PCDHA4: variants seen among roughly 807,000 people sequenced by gnomAD.
The protein encoded by PCDHA4 is protocadherin alpha 4.
In PCDHA4, 49 loss-of-function variants were observed where a neutral mutation model predicts 61.4. That is an observed-to-expected ratio of 0.80 (90% CI 0.63 to 1.01). The LOEUF (loss-of-function observed/expected upper bound fraction) is 1.01. Ranked by LOEUF, PCDHA4 falls within the 50% of genes least tolerant of loss-of-function variation. The probability of loss-of-function intolerance (pLI) is 0.00; values close to 1 mark genes in which losing one functional copy is unlikely to be tolerated. For missense variants in PCDHA4, 1,254 were observed against 1,235.8 expected, an observed-to-expected ratio of 1.01 and a Z score of -0.22; for synonymous variants, 590 against 550.3, an observed-to-expected ratio of 1.07 and a Z score of -1.01.
Position 140,836,712 on chromosome 5 carries a change from C to T in PCDHA4, c.2385+27140C>T, listed in dbSNP as rs2150268278. On this transcript the variant is annotated intron_variant, in intron 1 of 3. Transcript: ENST00000530339. Reference sequence around the variant, plus strand: ...CCTCATGGCCTTCAGTCCCAGCCTTCCTCAGGGTCCATCCTCTACAGACAA... The same window carrying T: ...CCTCATGGCCTTCAGTCCCAGCCTTTCTCAGGGTCCATCCTCTACAGACAA... 1.9e-6 allele frequency: 3 copies of T among 1,612,872 alleles called. 1 individual carries two copies. In the African/African-American group the frequency reaches 4.0e-5, roughly 22 times the overall value.
intron 1 of PCDHA4, among the ~76,000 whole-genome samples, chr5:140,934,327 T>C (rs1379362644): frequency 1.3e-5 from 2 of 152,152 alleles, no homozygotes; most frequent in African/African-American, 4.8e-5. Flanking sequence ...CAATCATGAA[T>C]GTAATAACCA....
chr5:141,006,944 A>G (rs2098295543), intron 3 of PCDHA4, among the ~76,000 whole-genome samples: 1 of 152,202 alleles, frequency 6.6e-6, no homozygotes, highest in African/African-American at 2.4e-5. Context: ...GATACCAGAT[A>G]GGCAGTTATA....
In PCDHA4 at chr5:140,842,845, T is replaced by G. The variant is rs2150346151; in HGVS notation, c.2385+33273T>G. The G allele has an allele frequency of 0.012, 19,312 of 1,593,596 alleles. 3,039 individuals are homozygous for G. In the African/African-American group the frequency reaches 0.23, roughly 19 times the overall value. On this transcript the variant is annotated intron_variant, in intron 1 of 3. Transcript: ENST00000530339. Reference sequence around the variant, plus strand: ...GCGAGCGCTCGCTGTCGAGCTACATTTCGGTGCACACGGAGAGCGGCAAGG... The same window carrying G: ...GCGAGCGCTCGCTGTCGAGCTACATGTCGGTGCACACGGAGAGCGGCAAGG...
At chr5:140,871,112 A>G (rs1554165130) in intron 1 of PCDHA4, 2 of 1,613,290 alleles carry the variant, frequency 1.2e-6, no homozygotes, top group Non-Finnish European at 1.7e-6. Context: ...TCGTTGGTGG[A>G]GAGCGGACAG....
intron 1 of PCDHA4, chr5:140,855,863 C>T (rs1435848910): frequency 2.6e-6 from 2 of 763,574 alleles, no homozygotes; most frequent in East Asian, 2.7e-5. Context: ...ATGTCGCTGT[C>T]GTCCACAAAA....
chr5:140,822,802 A>G, intron 1 of PCDHA4: 3 of 1,614,170 alleles, frequency 1.9e-6, no homozygotes, highest in Middle Eastern at 3.3e-4. Flanking sequence ...CCTGGATGTG[A>G]ATGATAATAC....
At chr5:140,903,787 A>G (rs782220484) in intron 1 of PCDHA4, among the ~76,000 whole-genome samples, 10 of 152,174 alleles carry the variant, frequency 6.6e-5, no homozygotes, top group Non-Finnish European at 1.3e-4. Context: ...TAAACTATCT[A>G]TGGTTGTAAT....
At chr5:140,819,633 A>G (rs2150104769) in intron 1 of PCDHA4, among the ~76,000 whole-genome samples, 2 of 152,208 alleles carry the variant, frequency 1.3e-5, no homozygotes, top group South Asian at 4.1e-4. Context: ...TGGATAATCT[A>G]TAGTTACTGA....
At chr5:140,851,455 C>T in intron 1 of PCDHA4, 1 of 898,662 alleles carries the variant, frequency 1.1e-6, no homozygotes, top group Non-Finnish European at 1.4e-6. Context: ...CTTTAGGAAT[C>T]AAATTATGTC....
intron 1 of PCDHA4, among the ~76,000 whole-genome samples, chr5:140,914,765 T>A (rs2076829694): frequency 6.6e-6 from 1 of 152,080 alleles, no homozygotes. Flanking sequence ...TTACATGAGG[T>A]TTATGACTTA....
At chr5:140,848,740 G>A (rs2150419221) in intron 1 of PCDHA4, 5 of 1,593,114 alleles carry the variant, frequency 3.1e-6, no homozygotes, top group East Asian at 2.2e-5. Context: ...CTGCAGAATG[G>A]CATTTTGTTT....
rs781883324 is a variant in PCDHA4 at position 140,927,514 on chromosome 5, G to A, written c.2386-51435G>A. 3.2e-5 allele frequency: 52 copies of A among 1,613,938 alleles called. No individual in the cohort carries two copies. The highest frequency in any genetic ancestry group is 4.2e-5 in the Non-Finnish European group (49 of 1,180,040). ...CCTGCTGGTGCTTACAGCTCGGGAC[G>A]GCGGGCTACCTGCCCGCTCAGGAGA... On this transcript the variant is annotated intron_variant, in intron 1 of 3. Coordinates refer to ENST00000530339, the MANE Select transcript of PCDHA4 (RefSeq NM_018907.4).
At chr5:140,839,989 T>C (rs1776506431) in intron 1 of PCDHA4, among the ~76,000 whole-genome samples, 1 of 152,120 alleles carries the variant, frequency 6.6e-6, no homozygotes, top group Non-Finnish European at 1.5e-5. Context: ...GGAAAGTGGT[T>C]AGCCTTAGCA....
chr5:140,881,587 G>C (rs1025219392), intron 1 of PCDHA4, among the ~76,000 whole-genome samples: 2 of 152,186 alleles, frequency 1.3e-5, no homozygotes, highest in Non-Finnish European at 1.5e-5. Context: ...CACATTGAGG[G>C]AAATTTATTA....
At chr5:140,856,916 A>G in intron 1 of PCDHA4, 1 of 1,596,314 alleles carries the variant, frequency 6.3e-7, no homozygotes, top group Middle Eastern at 1.7e-4. Flanking sequence ...CACGATAAGA[A>G]GGAAATTTTG....
At chr5:140,836,651 G>C in intron 1 of PCDHA4, 2 of 1,613,546 alleles carry the variant, frequency 1.2e-6, no homozygotes, top group Non-Finnish European at 1.7e-6. Context: ...AGAGGCGGCA[G>C]AGGGTGTGCT....
At chr5:140,854,069 A>G (rs1432539790) in intron 1 of PCDHA4, 1 of 273,288 alleles carries the variant, frequency 3.7e-6, no homozygotes, top group Non-Finnish European at 5.6e-6. Context: ...GGCTGAGGCG[A>G]GAGAATCGCT....
chr5:140,833,685 T>C (rs1301344321), intron 1 of PCDHA4, among the ~76,000 whole-genome samples: 2 of 152,124 alleles, frequency 1.3e-5, no homozygotes, highest in South Asian at 2.1e-4. Context: ...CCAAACCTTC[T>C]CTTATTTTGT....
intron 1 of PCDHA4, among the ~76,000 whole-genome samples, chr5:140,897,478 G>T (rs1554187409): frequency 1.3e-5 from 2 of 151,844 alleles, no homozygotes; most frequent in African/African-American, 4.8e-5. Flanking sequence ...TGAGAATGAT[G>T]ATTTCCAATT....
Sources: gnomAD v4.1 joint callset for allele counts (sites outside exome capture counted in the v4.1 genomes callset) on GRCh38, gnomAD v4.1.1 for gene constraint, MANE v1.5 for transcripts, NCBI Gene and HGNC (gene_info 2026-07-23, HGNC 2026-07-21) for gene names.